Variants in NLGN1 observed in about 807,000 individuals in gnomAD.
The protein encoded by NLGN1 is neuroligin 1.
Under a neutral mutation model 65.5 loss-of-function variants are expected in NLGN1, and 12 were observed. The observed-to-expected ratio is 0.18, with a 90% CI of 0.12 to 0.30. The LOEUF is 0.30. Among genes scored for constraint, NLGN1 ranks in the 10% least tolerant of loss-of-function variants. The pLI is 1.00. For missense variants in NLGN1, 750 were observed against 1,007.1 expected, an observed-to-expected ratio of 0.74 and a Z score of 3.46; for synonymous variants, 350 against 359.5, an observed-to-expected ratio of 0.97 and a Z score of 0.30.
chr3:174,057,603 A>C (rs539904154), intron 4 of NLGN1: 56 of 151,692 alleles, frequency 3.7e-4, no homozygotes, highest in Non-Finnish European at 5.7e-4. Context: ...ACTTTGGCTG[A>C]AAGTACATTG....
intron 3 of NLGN1, among the ~76,000 whole-genome samples, chr3:173,690,338 A>G (rs1447530964): frequency 6.6e-6 from 1 of 152,016 alleles, no homozygotes; most frequent in Non-Finnish European, 1.5e-5. Context: ...GATGCCATTT[A>G]CTCTCACTTC....
At chr3:174,195,934 C>A (rs982552637) in intron 4 of NLGN1, among the ~76,000 whole-genome samples, 1 of 152,132 alleles carries the variant, frequency 6.6e-6, no homozygotes, top group East Asian at 1.9e-4. Context: ...GGAGAGTAAA[C>A]GTAACTCTTA....
intron 4 of NLGN1, among the ~76,000 whole-genome samples, chr3:174,094,659 G>T (rs1353566938): frequency 7.0e-6 from 1 of 142,726 alleles, no homozygotes; most frequent in Non-Finnish European, 1.5e-5. Flanking sequence ...GGACCCCCAT[G>T]TTATACCCTA....
intron 1 of NLGN1, among the ~76,000 whole-genome samples, chr3:173,419,375 G>A (rs1265870176): frequency 2.0e-5 from 3 of 151,644 alleles, no homozygotes; most frequent in Non-Finnish European, 4.4e-5. Flanking sequence ...GGTTATCTCG[G>A]GGCTGGCATC....
intron 4 of NLGN1, among the ~76,000 whole-genome samples, chr3:173,914,534 CAT>C (rs1740323654): frequency 8.0e-6 from 1 of 124,318 alleles, no homozygotes; most frequent in South Asian, 2.8e-4. Context: ...TACATCTATA[CAT>C]ACACACACAC....
chr3:174,220,701 T>C lies in NLGN1; in HGVS notation c.647-54614T>C, dbSNP rs561925813. ...GTGTGTAGATCCATTTTTTGAATCC[T>C]AACATAATATAGTTTTCTAGGGCAT... is the stretch of plus-strand genomic sequence containing the variant. On this transcript the variant is annotated intron_variant, in intron 4 of 6. Coordinates refer to ENST00000457714, the Ensembl canonical transcript of NLGN1. Among the ~76,000 whole-genome samples the C allele has an allele frequency of 3.8e-5, 5 of 132,110 alleles. No individual in the cohort carries two copies. The South Asian group carries it at 1.2e-3, about 31-fold the overall frequency. 86.7% of individuals were successfully genotyped at this position (132,110 alleles called of 152,430 possible).
Position 174,006,861 on chromosome 3 carries a change from G to T in NLGN1, c.646+199029G>T, listed in dbSNP as rs189083784. ...AGGTAGGTGGATCAGTTGGGGTCAG[G>T]AGTTCGAAACCAGCCTGGCTACATG... is the stretch of plus-strand genomic sequence containing the variant. On this transcript the variant is annotated intron_variant, in intron 4 of 6. Coordinates refer to ENST00000457714, the Ensembl canonical transcript of NLGN1. 2.2e-4 allele frequency among the ~76,000 whole-genome samples: 34 copies of T among 152,104 alleles called. No individual in the cohort carries two copies. The East Asian group carries it at 6.0e-3, about 27-fold the overall frequency.
intron 2 of NLGN1, among the ~76,000 whole-genome samples, chr3:173,504,513 A>G (rs968133218): frequency 9.9e-5 from 15 of 152,234 alleles, no homozygotes; most frequent in Non-Finnish European, 1.9e-4. Context: ...TCTTTCTGTT[A>G]AAATATTTTG....
chr3:173,497,670 TGTTAACTA>T (rs1454576291), intron 2 of NLGN1, among the ~76,000 whole-genome samples: 1 of 151,746 alleles, frequency 6.6e-6, no homozygotes, highest in African/African-American at 2.4e-5. Context: ...AAATCCCAAA[TGTTAACTA>T]GTCAAAACTT....
chr3:173,675,887 T>TCACACACA (rs35370304), intron 3 of NLGN1, among the ~76,000 whole-genome samples: 36 of 138,636 alleles, frequency 2.6e-4, no homozygotes, highest in African/African-American at 8.7e-4. Context: ...TCTCTCTCTC[T>TCACACACA]CACACACACA....
chr3:173,729,657 AT>A (rs1218849523), intron 3 of NLGN1, among the ~76,000 whole-genome samples: 8 of 152,056 alleles, frequency 5.3e-5, no homozygotes, highest in Non-Finnish European at 1.2e-4. Context: ...AAAGAATAAC[AT>A]TGCTAAGTTT....
At chr3:174,228,623 C>A (rs554206771) in intron 4 of NLGN1, among the ~76,000 whole-genome samples, 1 of 152,000 alleles carries the variant, frequency 6.6e-6, no homozygotes, top group South Asian at 2.1e-4. Flanking sequence ...GTTAATATGC[C>A]CCTGCAAATA....
intron 1 of NLGN1, among the ~76,000 whole-genome samples, chr3:173,413,489 A>G (rs1046315265): frequency 2.0e-5 from 3 of 152,070 alleles, no homozygotes; most frequent in African/African-American, 7.2e-5. Flanking sequence ...AGTCCCAGCT[A>G]CTTGGGAGGC....
chr3:173,620,999 T>G (rs749599503), intron 3 of NLGN1, among the ~76,000 whole-genome samples: 4 of 152,196 alleles, frequency 2.6e-5, no homozygotes, highest in Non-Finnish European at 4.4e-5. Context: ...AAATGCATAT[T>G]GATTGAATTC....
intron 2 of NLGN1, among the ~76,000 whole-genome samples, chr3:173,530,403 G>A (rs1384064128): frequency 2.0e-5 from 3 of 152,194 alleles, no homozygotes; most frequent in East Asian, 3.9e-4. Context: ...TCCTGGAAGA[G>A]AGAGGGTGTG....
chr3:174,075,502 GA>G (rs1328405274), intron 4 of NLGN1, among the ~76,000 whole-genome samples: 1 of 152,012 alleles, frequency 6.6e-6, no homozygotes, highest in Non-Finnish European at 1.5e-5. Flanking sequence ...GTCACAAAAG[GA>G]ATCGGAATTT....
intron 4 of NLGN1, among the ~76,000 whole-genome samples, chr3:173,937,424 G>A (rs912648968): frequency 1.3e-5 from 2 of 151,968 alleles, no homozygotes; most frequent in Non-Finnish European, 2.9e-5. Context: ...GCTCAAATTG[G>A]GAGATTAGAT....
At chr3:173,539,053 G>A (rs959303074) in intron 2 of NLGN1, among the ~76,000 whole-genome samples, 14 of 152,028 alleles carry the variant, frequency 9.2e-5, no homozygotes, top group African/African-American at 3.4e-4. Flanking sequence ...CAAGAAAAGT[G>A]AACATCAGAT....
At chr3:173,877,599 T>A (rs1192934281) in intron 4 of NLGN1, among the ~76,000 whole-genome samples, 8 of 152,200 alleles carry the variant, frequency 5.3e-5, no homozygotes, top group Non-Finnish European at 7.3e-5. Context: ...GCTATGGTTA[T>A]GTAAGGTGCT....
Sources: allele counts gnomAD v4.1 joint callset (sites outside exome capture counted in the v4.1 genomes callset), GRCh38; gene constraint gnomAD v4.1.1; transcripts MANE v1.5; gene names NCBI Gene and HGNC (gene_info 2026-07-23, HGNC 2026-07-21).